The following MRPL15 variants were observed in gnomAD, a reference collection of about 807,000 sequenced individuals.
MRPL15 encodes the protein mitochondrial ribosomal protein L15.
In MRPL15, 24 loss-of-function variants were observed where a neutral mutation model predicts 28.0. That is an observed-to-expected ratio of 0.86 (90% confidence interval 0.62 to 1.21). The LOEUF (loss-of-function observed/expected upper bound fraction) is 1.21, where lower values mean the gene tolerates loss of function less well. MRPL15 is among the 50% of genes most tolerant of loss of function. The probability of loss-of-function intolerance (pLI) is 0.00; values close to 1 mark genes in which losing one functional copy is unlikely to be tolerated. For missense variants in MRPL15, 343 were observed against 372.4 expected (o/e 0.92, Z 0.65); for synonymous variants, 124 against 137.0 (o/e 0.90, Z 0.66).
chr8:54,135,264 A>G lies in MRPL15; in HGVS notation c.-20A>G. 7.6e-7 allele frequency: 1 copy of G among 1,308,618 alleles called. No homozygotes were observed. Among genetic ancestry groups the G allele is most frequent in the South Asian group, 2.2e-5 (1 of 44,562 alleles). The allele number at this position is 1,308,618 out of a possible 1,614,324, so 81.1% of individuals were successfully genotyped here. On this transcript the variant is annotated 5_prime_UTR_variant, in exon 1 of 5. Transcript: ENST00000260102. Reference sequence around the variant, plus strand: ...CCGAGCAGCTCAGGGCGCCCTTGAAAGTTCTTGGATCTGCGGGTTATGGCC... The same window carrying G: ...CCGAGCAGCTCAGGGCGCCCTTGAAGGTTCTTGGATCTGCGGGTTATGGCC...
At position 54,147,912 on chromosome 8, in the gene MRPL15, G is replaced by A; in HGVS notation, c.*193G>A. 1.9e-6 allele frequency: 1 copy of A among 532,088 alleles called. No individual in the cohort carries two copies. Among genetic ancestry groups the A allele is most frequent in the Non-Finnish European group, 3.3e-6 (1 of 306,936 alleles). The allele number at this position is 532,088 out of a possible 1,614,324, so 33.0% of individuals were successfully genotyped here. A position where few individuals can be genotyped will look rare whatever the true frequency, so the allele number is the denominator to read the frequency against. ...GACTGCATAGAGAAACTGAGTCTGTGTGGGTTCTGTCTCAAAGATACAAAC... is the reference window on the plus strand; with the variant it reads ...GACTGCATAGAGAAACTGAGTCTGTATGGGTTCTGTCTCAAAGATACAAAC... On this transcript the variant is annotated 3_prime_UTR_variant, in exon 5 of 5. Transcript: ENST00000260102.
chr8:54,147,887 G>A lies in MRPL15; in HGVS notation c.*168G>A, dbSNP rs565921794. 3.3e-6 allele frequency: 2 copies of A among 614,856 alleles called. No homozygotes were observed. Among genetic ancestry groups the A allele is most frequent in the African/African-American group, 1.8e-5 (1 of 54,530 alleles). 38.1% of individuals were successfully genotyped at this position (614,856 alleles called of 1,614,324 possible). A position where few individuals can be genotyped will look rare whatever the true frequency, so the allele number is the denominator to read the frequency against. ...CTAAAATTAAATGGCAGGAAACAAG[G>A]ACTGCATAGAGAAACTGAGTCTGTG... On this transcript the variant is annotated 3_prime_UTR_variant, in exon 5 of 5. Transcript: ENST00000260102.
Position 54,137,373 on chromosome 8 carries a change from T to C in MRPL15, c.369T>C (p.Asn123=), listed in dbSNP as rs766806218. 5.0e-6 allele frequency: 8 copies of C among 1,614,126 alleles called. No homozygotes were observed. Among genetic ancestry groups the C allele is most frequent in the Non-Finnish European group, 6.8e-6 (8 of 1,180,024 alleles). Residue 123 remains asparagine (N), a synonymous_variant, in exon 3 of 5, where the codon AAT becomes AAC. Transcript: ENST00000260102. The stretch of plus-strand genomic sequence containing the variant: ...CTATTGACTTAACCCAGCTTGTCAA[T>C]GGGAGAGGTGTGACCATCCAGCCAC... ...SQPIDLTQLV[N]GRGVTIQPLK...
intron 3 of MRPL15, 92 bp downstream of exon 3, chr8:54,137,525 G>A (rs150100924): frequency 3.9e-5 from 46 of 1,184,842 alleles, no homozygotes; most frequent in East Asian, 2.7e-4. Context: ...GTACAGTGGC[G>A]CAATCTCGGC....
chr8:54,137,473 T>A (rs1810845900), intron 3 of MRPL15, 40 bp downstream of exon 3: 1 of 1,176,368 alleles, frequency 8.5e-7, no homozygotes, highest in Non-Finnish European at 1.1e-6. Flanking sequence ...TATAGGAGGA[T>A]TTTTTTTTTA....
chr8:54,147,789 T>C lies in MRPL15; in HGVS notation c.*70T>C, dbSNP rs1264673303. On this transcript the variant is annotated 3_prime_UTR_variant, in exon 5 of 5. Transcript: ENST00000260102. The stretch of plus-strand genomic sequence containing the variant: ...GGGCTGAAGGATCTATATTCCCTTA[T>C]TGCATTTTCCTTATGTATAATTTTC... 3 of 1,330,868 alleles carry C rather than the reference T, an allele frequency of 2.3e-6. No individual in the cohort carries two copies. The highest frequency in any genetic ancestry group is 2.4e-5 in the East Asian group (1 of 42,286). 82.4% of individuals were successfully genotyped at this position (1,330,868 alleles called of 1,614,324 possible). A position where few individuals can be genotyped will look rare whatever the true frequency, so the allele number is the denominator to read the frequency against.
chr8:54,147,336 G>A, intron 4 of MRPL15, 46 bp from the exon 5 acceptor site: 1 of 1,422,048 alleles, frequency 7.0e-7, no homozygotes, highest in Non-Finnish European at 9.6e-7. Context: ...GTATGTCTAT[G>A]AGCTAATATT....
rs1275215316 is a variant in MRPL15, at chr8:54,148,184, C to T, written c.*465C>T. Among the ~76,000 whole-genome samples the T allele has an allele frequency of 6.6e-6, 1 of 152,060 alleles. No homozygotes were observed. ...ATGCCAAGATGGTAAACCCTCAACT[C>T]GAAGAGTAAGATCAGGACGTATGCT... is the stretch of plus-strand genomic sequence containing the variant. On this transcript the variant is annotated 3_prime_UTR_variant, in exon 5 of 5. Coordinates refer to ENST00000260102, the MANE Select transcript of MRPL15 (RefSeq NM_014175.4).
intron 3 of MRPL15, among the ~76,000 whole-genome samples, chr8:54,141,500 C>T (rs1036713808): frequency 3.3e-5 from 5 of 151,944 alleles, no homozygotes; most frequent in Admixed American, 1.3e-4. Flanking sequence ...CTTACTTACA[C>T]GGATTGAAAA....
At chr8:54,146,882 G>A (rs758329737) in intron 4 of MRPL15, among the ~76,000 whole-genome samples, 2 of 152,110 alleles carry the variant, frequency 1.3e-5, no homozygotes, top group African/African-American at 4.8e-5. Context: ...TCCTTGGTTT[G>A]TTTCACATAA....
intron 3 of MRPL15, among the ~76,000 whole-genome samples, chr8:54,140,422 C>T (rs181583630): frequency 7.9e-5 from 12 of 151,816 alleles, no homozygotes; most frequent in South Asian, 4.2e-4. Flanking sequence ...CCACCATGCC[C>T]GGCTACATTT....
chr8:54,144,435 A>G (rs1483473764), intron 4 of MRPL15, among the ~76,000 whole-genome samples: 1 of 152,188 alleles, frequency 6.6e-6, no homozygotes, highest in Non-Finnish European at 1.5e-5. Context: ...TGAAACAAAT[A>G]ACTACCATTT....
At position 54,142,928 on chromosome 8, in the gene MRPL15, T is replaced by C. The variant is rs895013435; in HGVS notation, c.553+142T>C. 4 of 1,230,754 alleles carry C rather than the reference T, an allele frequency of 3.3e-6. No individual in the cohort carries two copies. The African/African-American group carries it at 6.1e-5, about 19-fold the overall frequency. The allele number at this position is 1,230,754 out of a possible 1,614,324, so 76.2% of individuals were successfully genotyped here. A position where few individuals can be genotyped will look rare whatever the true frequency, so the allele number is the denominator to read the frequency against. Reference sequence around the variant, plus strand: ...ACATCTACCATATGGATTATTATGATTTAAAGAATACAGCCTGTTGCTGAC... The same window carrying C: ...ACATCTACCATATGGATTATTATGACTTAAAGAATACAGCCTGTTGCTGAC... On this transcript the variant is annotated intron_variant, in intron 4 of 4. Coordinates refer to ENST00000260102, the MANE Select transcript of MRPL15 (RefSeq NM_014175.4).
intron 4 of MRPL15, among the ~76,000 whole-genome samples, chr8:54,144,175 C>T (rs145383994): frequency 3.8e-3 from 578 of 152,272 alleles, no homozygotes; most frequent in Middle Eastern, 0.01. Flanking sequence ...GCACATAGAG[C>T]GATGCCTGGT....
rs146037612 is a variant in MRPL15, at chr8:54,137,425, G to T, written c.421G>T (p.Val141Phe). ...TAAAAGGGATTATGGTGTCCAGCTG[G>T]TTGAGGAGGTAAGTCTTGATTAGAT... ...PLKRDYGVQL[V>F]EEGADTFTAK... Residue 141 changes from valine (V) to phenylalanine (F), a missense_variant, in exon 3 of 5, where the codon GTT (valine) becomes TTT (phenylalanine). Physicochemically the swap from Val to Phe is conservative, Grantham distance 50. Coordinates refer to ENST00000260102, the MANE Select transcript of MRPL15 (RefSeq NM_014175.4). 10 of 1,613,714 alleles carry T rather than the reference G, an allele frequency of 6.2e-6. No homozygotes were observed. Among genetic ancestry groups the T allele is most frequent in the Non-Finnish European group, 8.5e-6 (10 of 1,179,934 alleles).
chr8:54,141,293 G>A (rs746597472), intron 3 of MRPL15, among the ~76,000 whole-genome samples: 31 of 152,076 alleles, frequency 2.0e-4, no homozygotes, highest in Non-Finnish European at 3.7e-4. Context: ...TATGAAAGTC[G>A]GTATTTCCGA....
At position 54,142,785 on chromosome 8, in the gene MRPL15, G is replaced by C; in HGVS notation, c.552G>C (p.Leu184=). 6.2e-7 allele frequency: 1 copy of C among 1,613,030 alleles called. No individual in the cohort carries two copies. The highest frequency in any genetic ancestry group is 8.5e-7 in the Non-Finnish European group (1 of 1,179,782). Residue 184 remains leucine, a splice_region_variant and synonymous_variant, in exon 4 of 5, where the codon CTG becomes CTC. Coordinates refer to ENST00000260102, the MANE Select transcript of MRPL15 (RefSeq NM_014175.4). ...CAGCCTTCTATGATCCAAGAAGTCT[G>C]GGTAAGTTTGTTCCACGGTCATTTT... ...VTTAFYDPRS[L]DIVCKPVPFF...
chr8:54,137,404 A>G lies in MRPL15; in HGVS notation c.400A>G (p.Arg134Gly), dbSNP rs1810843675. The G allele has an allele frequency of 3.1e-6, 5 of 1,614,112 alleles. No individual in the cohort carries two copies. The highest frequency in any genetic ancestry group is 1.7e-4 in the Middle Eastern group (1 of 6,036). Reference protein sequence around the residue: ...GRGVTIQPLKRDYGVQLVEEG... With the variant: ...GRGVTIQPLKGDYGVQLVEEG... The stretch of plus-strand genomic sequence containing the variant: ...AGGTGTGACCATCCAGCCACTTAAA[A>G]GGGATTATGGTGTCCAGCTGGTTGA... The change falls in exon 3 of 5, where the codon AGG becomes GGG. Residue 134 changes from arginine to glycine, a missense_variant. Arg to Gly is a moderately radical substitution (Grantham distance 125). Coordinates refer to ENST00000260102, the MANE Select transcript of MRPL15 (RefSeq NM_014175.4).
chr8:54,135,260 T>C lies in MRPL15; in HGVS notation c.-24T>C. The C allele has an allele frequency of 1.5e-6, 2 of 1,304,770 alleles. No homozygotes were observed. The highest frequency in any genetic ancestry group is 3.1e-5 in the East Asian group (1 of 31,784). The allele number at this position is 1,304,770 out of a possible 1,614,324, so 80.8% of individuals were successfully genotyped here. A position where few individuals can be genotyped will look rare whatever the true frequency, so the allele number is the denominator to read the frequency against. ...GCCTCCGAGCAGCTCAGGGCGCCCT[T>C]GAAAGTTCTTGGATCTGCGGGTTAT... is the stretch of plus-strand genomic sequence containing the variant. On this transcript the variant is annotated 5_prime_UTR_variant, in exon 1 of 5. Transcript: ENST00000260102.
Sources: gnomAD v4.1 joint callset for allele counts (sites outside exome capture counted in the v4.1 genomes callset) on GRCh38, gnomAD v4.1.1 for gene constraint, MANE v1.5 for transcripts, NCBI Gene and HGNC (gene_info 2026-07-23, HGNC 2026-07-21) for gene names.